MARCHF1: variants seen among roughly 807,000 people sequenced by gnomAD.
The protein encoded by MARCHF1 is E3 ubiquitin-protein ligase MARCHF1.
In MARCHF1, 40 loss-of-function variants were observed where a neutral mutation model predicts 54.2. The ratio of observed to expected loss-of-function variants is 0.74; its 90% confidence interval spans 0.57 to 0.96. The LOEUF (loss-of-function observed/expected upper bound fraction) is 0.96, where lower values mean the gene tolerates loss of function less well. Ranked by LOEUF, MARCHF1 falls within the 40% of genes least tolerant of loss-of-function variation. The pLI is 0.00. For missense variants in MARCHF1, 586 were observed against 656.5 expected (o/e 0.89, Z 1.17); for synonymous variants, 236 against 236.3 (o/e 1.00, Z 0.01).
chr4:164,281,526 G>A (rs1271275021), intron 1 of MARCHF1, among the ~76,000 whole-genome samples: 3 of 152,082 alleles, frequency 2.0e-5, no homozygotes, highest in African/African-American at 7.2e-5. Context: ...AACAGAGGTG[G>A]CTGGAACGAG....
At chr4:164,182,488 T>C (rs1329375154) in intron 1 of MARCHF1, among the ~76,000 whole-genome samples, 3 of 151,936 alleles carry the variant, frequency 2.0e-5, no homozygotes, top group Admixed American at 6.6e-5. Context: ...AAGTTCATTT[T>C]TCTCAAAGAA....
At chr4:163,888,243 G>A (rs575485239) in intron 3 of MARCHF1, among the ~76,000 whole-genome samples, 14 of 152,154 alleles carry the variant, frequency 9.2e-5, no homozygotes, top group Admixed American at 5.2e-4. Context: ...GGCCCTCAGA[G>A]CCATAGAATT....
chr4:164,326,844 T>G (rs997510699), intron 1 of MARCHF1, among the ~76,000 whole-genome samples: 5 of 152,168 alleles, frequency 3.3e-5, no homozygotes, highest in African/African-American at 1.2e-4. Flanking sequence ...TCAGATTTTC[T>G]GCTTATTTGT....
chr4:163,552,689 C>T (rs973894602), intron 8 of MARCHF1, among the ~76,000 whole-genome samples: 16 of 152,086 alleles, frequency 1.1e-4, no homozygotes, highest in African/African-American at 1.7e-4. Flanking sequence ...AGGAATGAAC[C>T]GTGCAGCTGT....
chr4:164,183,490 T>C (rs1375634758), intron 1 of MARCHF1, among the ~76,000 whole-genome samples: 2 of 152,222 alleles, frequency 1.3e-5, no homozygotes, highest in Non-Finnish European at 2.9e-5. Flanking sequence ...AATTTTTATG[T>C]GGTCAAAAGC....
chr4:163,791,500 AT>A (rs1747773606), intron 4 of MARCHF1, among the ~76,000 whole-genome samples: 1 of 152,036 alleles, frequency 6.6e-6, no homozygotes, highest in African/African-American at 2.4e-5. Context: ...CAAAAACAAA[AT>A]TTTTTTATGC....
intron 8 of MARCHF1, among the ~76,000 whole-genome samples, chr4:163,573,507 C>A (rs1423290868): frequency 7.3e-6 from 1 of 136,938 alleles, no homozygotes; most frequent in African/African-American, 2.7e-5. Context: ...GTTCCCCTTC[C>A]TGTGTCCATG....
Position 163,526,953 on chromosome 4 carries a change from G to C in MARCHF1, c.*1795C>G, listed in dbSNP as rs1212176030. On this transcript the variant is annotated 3_prime_UTR_variant, in exon 10 of 10. Transcript: ENST00000514618. ...ATACCATCTTTCTCCTCATTTAAAGGTTTGTTTTTTTTTTCCCTTTTTCCT... is the reference window on the plus strand; with the variant it reads ...ATACCATCTTTCTCCTCATTTAAAGCTTTGTTTTTTTTTTCCCTTTTTCCT... 6.6e-6 allele frequency: 1 copy of C among 150,414 alleles called. No homozygotes were observed. Among genetic ancestry groups the C allele is most frequent in the Non-Finnish European group, 1.5e-5 (1 of 67,398 alleles). 9.3% of individuals were successfully genotyped at this position (150,414 alleles called of 1,614,324 possible).
intron 3 of MARCHF1, among the ~76,000 whole-genome samples, chr4:163,893,234 G>A (rs1750702855): frequency 6.6e-6 from 1 of 152,056 alleles, no homozygotes; most frequent in Non-Finnish European, 1.5e-5. Context: ...CCGCCTTCCA[G>A]TTCAAGCAAT....
chr4:164,147,303 C>A (rs1374119094), intron 1 of MARCHF1, among the ~76,000 whole-genome samples: 1 of 148,258 alleles, frequency 6.7e-6, no homozygotes, highest in Non-Finnish European at 1.5e-5. Flanking sequence ...TACCATTTGA[C>A]CCAGCCATCC....
At chr4:163,690,119 G>A (rs1744400058) in intron 5 of MARCHF1, among the ~76,000 whole-genome samples, 2 of 152,176 alleles carry the variant, frequency 1.3e-5, no homozygotes, top group African/African-American at 2.4e-5. Flanking sequence ...GAGACACAGA[G>A]CATGAAGACT....
chr4:163,830,313 T>C (rs1397208995), intron 4 of MARCHF1, among the ~76,000 whole-genome samples: 1 of 150,708 alleles, frequency 6.6e-6, no homozygotes, highest in Non-Finnish European at 1.5e-5. Flanking sequence ...TGTAAATTCA[T>C]ATATTTTATA....
chr4:163,964,109 A>T (rs1022025038), intron 3 of MARCHF1, among the ~76,000 whole-genome samples: 2 of 151,968 alleles, frequency 1.3e-5, no homozygotes, highest in African/African-American at 4.8e-5. Flanking sequence ...TCATTTTCAC[A>T]ATCACCTGCA....
intron 1 of MARCHF1, among the ~76,000 whole-genome samples, chr4:164,258,604 T>C (rs1052433677): frequency 2.0e-5 from 3 of 152,108 alleles, no homozygotes; most frequent in Admixed American, 1.3e-4. Flanking sequence ...GCTTCTGCCA[T>C]GTGTAAAGAA....
intron 1 of MARCHF1, among the ~76,000 whole-genome samples, chr4:164,127,190 A>G (rs1274770554): frequency 6.6e-6 from 1 of 152,222 alleles, no homozygotes; most frequent in African/African-American, 2.4e-5. Flanking sequence ...TGGAAGGTAG[A>G]ACTTGTGAGT....
intron 1 of MARCHF1, among the ~76,000 whole-genome samples, chr4:164,338,636 A>G (rs1486651069): frequency 6.6e-6 from 1 of 152,224 alleles, no homozygotes; most frequent in Non-Finnish European, 1.5e-5. Context: ...TTTAAGTCAG[A>G]AACTGTAACA....
intron 2 of MARCHF1, among the ~76,000 whole-genome samples, chr4:164,087,898 G>A (rs1755223727): frequency 1.3e-5 from 2 of 151,370 alleles, no homozygotes; most frequent in Admixed American, 6.6e-5. Context: ...TGCTTTGTCC[G>A]CATCACTTCA....
At chr4:163,911,037 T>C (rs147797653) in intron 3 of MARCHF1, among the ~76,000 whole-genome samples, 4 of 152,204 alleles carry the variant, frequency 2.6e-5, no homozygotes, top group Admixed American at 2.0e-4. Flanking sequence ...TTTCCCTTAC[T>C]TCATGTTTTC....
chr4:163,716,976 A>G (rs1369768864), intron 4 of MARCHF1, among the ~76,000 whole-genome samples: 1 of 152,114 alleles, frequency 6.6e-6, no homozygotes, highest in Non-Finnish European at 1.5e-5. Flanking sequence ...AAATCTACAC[A>G]TACACATTTA....
Sources: allele counts gnomAD v4.1 joint callset (sites outside exome capture counted in the v4.1 genomes callset), GRCh38; gene constraint gnomAD v4.1.1; transcripts MANE v1.5; gene names NCBI Gene and HGNC (gene_info 2026-07-23, HGNC 2026-07-21).